PCDHGA10: variants seen among roughly 807,000 people sequenced by gnomAD.
PCDHGA10 encodes protocadherin gamma-A10.
In PCDHGA10, 42 loss-of-function variants were observed where a neutral mutation model predicts 59.5. The ratio of observed to expected loss-of-function variants is 0.71; its 90% CI spans 0.55 to 0.91. The LOEUF (loss-of-function observed/expected upper bound fraction) is 0.91, where lower values mean the gene tolerates loss of function less well. PCDHGA10 is among the 40% of genes least tolerant of loss of function. The pLI is 0.00. For synonymous variants in PCDHGA10, 511 were observed against 517.2 expected (o/e 0.99, Z 0.16); for missense variants, 1,111 against 1,198.2 (o/e 0.93, Z 1.07).
chr5:141,428,154 T>C, intron 1 of PCDHGA10: 2 of 1,578,924 alleles, frequency 1.3e-6, no homozygotes, highest in Non-Finnish European at 1.7e-6. Flanking sequence ...CACGGGAACC[T>C]GCTGGTTGCT....
Position 141,448,073 on chromosome 5 carries a change from C to T in PCDHGA10, c.2436+32462C>T, listed in dbSNP as rs1025112556. ...TGCTCTCCAGCCTGGGCAACATGAA[C>T]GAAATGCCATCTTAAAAAAAAAAAA... On this transcript the variant is annotated intron_variant, in intron 1 of 3. Coordinates refer to ENST00000398610, the MANE Select transcript of PCDHGA10 (RefSeq NM_018913.3). 3.3e-5 allele frequency among the ~76,000 whole-genome samples: 5 copies of T among 151,432 alleles called. No individual in the cohort carries two copies. In the East Asian group the frequency reaches 5.8e-4, roughly 18 times the overall value.
chr5:141,438,811 G>T (rs2098067148), intron 1 of PCDHGA10, among the ~76,000 whole-genome samples: 1 of 149,790 alleles, frequency 6.7e-6, no homozygotes, highest in East Asian at 2.0e-4. Context: ...ACAGGCGCCT[G>T]TCACCATGCC....
Position 141,421,259 on chromosome 5 carries a change from G to C in PCDHGA10, c.2436+5648G>C. The C allele has an allele frequency of 6.2e-7, 1 of 1,609,254 alleles. No individual in the cohort carries two copies. The highest frequency in any genetic ancestry group is 8.5e-7 in the Non-Finnish European group (1 of 1,178,538). The stretch of plus-strand genomic sequence containing the variant: ...AATCGGCTACAGCGCGGGGACCGCA[G>C]TCGGCTGCTGCTGCTGCTGTGCATT... On this transcript the variant is annotated intron_variant, in intron 1 of 3. Transcript: ENST00000398610.
intron 1 of PCDHGA10, among the ~76,000 whole-genome samples, chr5:141,455,776 A>G (rs1386162201): frequency 6.6e-6 from 1 of 152,186 alleles, no homozygotes. Context: ...GGGCTTTAAA[A>G]GAAACTTTTC....
chr5:141,490,874 A>C lies in PCDHGA10; in HGVS notation c.2437-3933A>C. 1 of 1,613,948 alleles carries C rather than the reference A, an allele frequency of 6.2e-7. No homozygotes were observed. The highest frequency in any genetic ancestry group is 1.3e-5 in the African/African-American group (1 of 75,054). The stretch of plus-strand genomic sequence containing the variant: ...CGAGACTCCGGCTCTCCCCCATTGC[A>C]TGCCAACACATCTCTGCATGTGTTT... On this transcript the variant is annotated intron_variant, in intron 1 of 3. Coordinates refer to ENST00000398610, the MANE Select transcript of PCDHGA10 (RefSeq NM_018913.3). The surrounding 1 kb of genome is among the most constrained non-coding windows in gnomAD (Gnocchi z 5.4).
At chr5:141,415,739 GGTTTTTTTT>G in intron 1 of PCDHGA10, 128 bp downstream of exon 1, 5 of 434,942 alleles carry the variant, frequency 1.1e-5, no homozygotes, top group African/African-American at 9.8e-5. Context: ...TGTTTATTAA[GGTTTTTTTT>G]TTTTTTTTTT....
intron 3 of PCDHGA10, among the ~76,000 whole-genome samples, chr5:141,510,272 TAAAAAA>T (rs546154379): frequency 7.7e-6 from 1 of 130,390 alleles, no homozygotes; most frequent in Non-Finnish European, 1.6e-5. Context: ...GACTCCATCT[TAAAAAA>T]AAAAAAAAAA....
intron 1 of PCDHGA10, chr5:141,421,270 C>G: frequency 6.2e-7 from 1 of 1,612,094 alleles, no homozygotes; most frequent in Non-Finnish European, 8.5e-7. Context: ...TCGGCTGCTG[C>G]TGCTGCTGTG....
intron 1 of PCDHGA10, chr5:141,441,809 C>A: frequency 2.7e-6 from 1 of 373,176 alleles, no homozygotes; most frequent in East Asian, 9.0e-5. Context: ...GGGTGCTGTA[C>A]CCCAGCTCTG....
intron 2 of PCDHGA10, among the ~76,000 whole-genome samples, chr5:141,504,869 C>T (rs919109041): frequency 6.6e-6 from 1 of 152,134 alleles, no homozygotes; most frequent in Admixed American, 6.5e-5. Flanking sequence ...CCCACCTTCA[C>T]AGTCCTCTGG....
At chr5:141,510,158 A>G (rs1406170246) in intron 3 of PCDHGA10, among the ~76,000 whole-genome samples, 1 of 152,018 alleles carries the variant, frequency 6.6e-6, no homozygotes, top group African/African-American at 2.4e-5. Flanking sequence ...CTGTAATCTC[A>G]GCTACTCAGG....
chr5:141,489,257 T>C lies in PCDHGA10; in HGVS notation c.2437-5550T>C, dbSNP rs2099684606. 5.8e-6 allele frequency: 9 copies of C among 1,550,190 alleles called. No homozygotes were observed. The highest frequency in any genetic ancestry group is 1.4e-5 in the African/African-American group (1 of 73,054). On this transcript the variant is annotated intron_variant, in intron 1 of 3. Transcript: ENST00000398610. This position sits in a 1 kb window ranked among gnomAD's most constrained non-coding sequence, Gnocchi z 4.5. Reference sequence around the variant, plus strand: ...TTCTGGGTCATGGGGCCCAAGACACTCCCACAGCTCGCTGGGAAATGGCAA... The same window carrying C: ...TTCTGGGTCATGGGGCCCAAGACACCCCCACAGCTCGCTGGGAAATGGCAA...
rs200715621 is a variant in PCDHGA10 at position 141,432,628 on chromosome 5, G to A, written c.2436+17017G>A. 3.2e-4 allele frequency: 515 copies of A among 1,611,902 alleles called. No individual in the cohort carries two copies. Among genetic ancestry groups the A allele is most frequent in the Non-Finnish European group, 4.2e-4 (497 of 1,179,404 alleles). On this transcript the variant is annotated intron_variant, in intron 1 of 3. Coordinates refer to ENST00000398610, the MANE Select transcript of PCDHGA10 (RefSeq NM_018913.3). The surrounding 1 kb of genome is among the most constrained non-coding windows in gnomAD (Gnocchi z 6.0). ...GACTCTTCTCGGTGGGTCTGCACAC[G>A]GGCGAGGTGCGCACGGCGCGAGCCC...
Position 141,493,957 on chromosome 5 carries a change from G to A in PCDHGA10, c.2437-850G>A, listed in dbSNP as rs1360777586. 6.6e-6 allele frequency among the ~76,000 whole-genome samples: 1 copy of A among 152,228 alleles called. No individual in the cohort carries two copies. The highest frequency in any genetic ancestry group is 2.4e-5 in the African/African-American group (1 of 41,458). On this transcript the variant is annotated intron_variant, in intron 1 of 3. Coordinates refer to ENST00000398610, the MANE Select transcript of PCDHGA10 (RefSeq NM_018913.3). This position sits in a 1 kb window ranked among gnomAD's most constrained non-coding sequence, Gnocchi z 4.3. ...AGACCAGAAGGGACTCAGGAATGAA[G>A]TGGCTGGCCAGAGCCCCACACCTTC... is the stretch of plus-strand genomic sequence containing the variant.
Position 141,415,388 on chromosome 5 carries a change from G to A in PCDHGA10, c.2213G>A (p.Gly738Asp), listed in dbSNP as rs752789407. 2 of 1,614,236 alleles carry A rather than the reference G, an allele frequency of 1.2e-6. No homozygotes were observed. Among genetic ancestry groups the A allele is most frequent in the Non-Finnish European group, 1.7e-6 (2 of 1,180,040 alleles). The stretch of plus-strand genomic sequence containing the variant: ...CAGGCTTCAGGAGGCGGCTTGACAG[G>A]TGTGTCCGGCTCGCACTTTGTGGGC... ...LLQASGGGLT[G>D]VSGSHFVGVD... The change falls in exon 1 of 4, where the codon GGT (glycine) becomes GAT (aspartate). Residue 738 changes from glycine to aspartate, a missense_variant. Physicochemically the swap from Gly to Asp is moderately conservative, Grantham distance 94. Coordinates refer to ENST00000398610, the MANE Select transcript of PCDHGA10 (RefSeq NM_018913.3).
chr5:141,455,130 A>T (rs1446894125), intron 1 of PCDHGA10, among the ~76,000 whole-genome samples: 2 of 150,970 alleles, frequency 1.3e-5, no homozygotes, highest in African/African-American at 4.8e-5. Flanking sequence ...GTTTTAAATT[A>T]CACTGTGTTA....
intron 2 of PCDHGA10, among the ~76,000 whole-genome samples, chr5:141,502,238 T>A (rs2099813398): frequency 6.6e-6 from 1 of 152,204 alleles, no homozygotes; most frequent in Non-Finnish European, 1.5e-5. Flanking sequence ...TGTGTTCTTT[T>A]ATCCTTTTTT....
Position 141,493,788 on chromosome 5 carries a change from C to A in PCDHGA10, c.2437-1019C>A, listed in dbSNP as rs2099750132. On this transcript the variant is annotated intron_variant, in intron 1 of 3. Transcript: ENST00000398610. This position sits in a 1 kb window ranked among gnomAD's most constrained non-coding sequence, Gnocchi z 4.3. ...ACTGGCAGTTCCGGAGCTTCCTTCT[C>A]CCTGGAGTAATCTGAGATACTCACA... 6.6e-6 allele frequency among the ~76,000 whole-genome samples: 1 copy of A among 152,162 alleles called. No homozygotes were observed. The highest frequency in any genetic ancestry group is 1.5e-5 in the Non-Finnish European group (1 of 68,026).
In PCDHGA10 at chr5:141,476,299, C is replaced by G; in HGVS notation, c.2437-18508C>G. On this transcript the variant is annotated intron_variant, in intron 1 of 3. Transcript: ENST00000398610. This position sits in a 1 kb window ranked among gnomAD's most constrained non-coding sequence, Gnocchi z 7.6. The stretch of plus-strand genomic sequence containing the variant: ...ACCTTGGTTTGGATCTCGGTAGCCT[C>G]TCAGCCCGCAGGTTCCGGGTGGTGT... The G allele has an allele frequency of 6.2e-7, 1 of 1,614,100 alleles. No individual in the cohort carries two copies. The highest frequency in any genetic ancestry group is 8.5e-7 in the Non-Finnish European group (1 of 1,180,014).
Sources: gnomAD v4.1 joint callset for allele counts (sites outside exome capture counted in the v4.1 genomes callset) on GRCh38, gnomAD v4.1.1 for gene constraint, Gnocchi (gnomAD v3.1) non-coding constraint, MANE v1.5 for transcripts, NCBI Gene and HGNC (gene_info 2026-07-23, HGNC 2026-07-21) for gene names.